The following SRR variants were observed in gnomAD, a reference collection of about 807,000 sequenced individuals.
SRR encodes serine racemase, also known as D-serine ammonia-lyase.
SRR carries 19 observed loss-of-function variants against 32.7 expected under a neutral mutation model. The ratio of observed to expected loss-of-function variants is 0.58; its 90% CI spans 0.40 to 0.85. The LOEUF is 0.85. SRR is among the 40% of genes least tolerant of loss of function. The pLI, the probability that SRR is intolerant of heterozygous loss-of-function variation, is 0.00. For synonymous variants in SRR, 142 were observed against 140.9 expected (o/e 1.01, Z -0.06); for missense variants, 373 against 404.7 (o/e 0.92, Z 0.67).
rs749240144 is a variant in SRR at position 2,318,811 on chromosome 17, G to A, written c.296-15G>A. 2.6e-5 allele frequency: 42 copies of A among 1,600,220 alleles called. No individual in the cohort carries two copies. The highest frequency in any genetic ancestry group is 1.2e-4 in the Admixed American group (7 of 59,782). Reference sequence around the variant, plus strand: ...TAAATTCTCCTGACTTTTTCCTCTCGTTTTCCTCTCCCAGGAATTCCTGCT... The same window carrying A: ...TAAATTCTCCTGACTTTTTCCTCTCATTTTCCTCTCCCAGGAATTCCTGCT... On this transcript the variant is annotated splice_polypyrimidine_tract_variant and intron_variant, in intron 3 of 7. Coordinates refer to ENST00000344595, the MANE Select transcript of SRR (RefSeq NM_021947.3).
In SRR at chr17:2,312,861, A is replaced by G. The variant is rs144176654; in HGVS notation, c.-4-2696A>G. ...TTGCAACAAGGCTATTCATTACATC[A>G]TTCTTACAGCCAACAACAACAAAAG... On this transcript the variant is annotated intron_variant, in intron 1 of 7. Coordinates refer to ENST00000344595, the MANE Select transcript of SRR (RefSeq NM_021947.3). Among the ~76,000 whole-genome samples the G allele has an allele frequency of 8.4e-3, 1,284 of 152,308 alleles. 7 individuals carry two copies. The highest frequency in any genetic ancestry group is 0.014 in the Non-Finnish European group (931 of 68,030).
chr17:2,323,541 G>C (rs1212108910), intron 7 of SRR, 114 bp from the exon 8 acceptor site: 1 of 1,236,046 alleles, frequency 8.1e-7, no homozygotes, highest in Admixed American at 2.0e-5. Context: ...TTTGGGAAGC[G>C]TGTGTACACA....
At position 2,324,115 on chromosome 17, in the gene SRR, A is replaced by G; in HGVS notation, c.*242A>G. On this transcript the variant is annotated 3_prime_UTR_variant, in exon 8 of 8. Transcript: ENST00000344595. ...GGACTGACAGGCTGACATAGAAAATAAACTTTGCCCAATCACAACTTGTGC... is the reference window on the plus strand; with the variant it reads ...GGACTGACAGGCTGACATAGAAAATGAACTTTGCCCAATCACAACTTGTGC... 6.7e-7 allele frequency: 1 copy of G among 1,486,654 alleles called. No homozygotes were observed. The highest frequency in any genetic ancestry group is 9.0e-7 in the Non-Finnish European group (1 of 1,114,452). 92.1% of individuals were successfully genotyped at this position (1,486,654 alleles called of 1,614,324 possible). A position where few individuals can be genotyped will look rare whatever the true frequency, so the allele number is the denominator to read the frequency against.
chr17:2,303,667 G>A, upstream of SRR: 1 of 1,493,388 alleles, frequency 6.7e-7, no homozygotes, highest in South Asian at 1.3e-5. Flanking sequence ...GAGTAGCCAG[G>A]ATCCCGCGCA....
intron 1 of SRR, among the ~76,000 whole-genome samples, chr17:2,314,036 GAC>G (rs1443824045): frequency 6.6e-6 from 1 of 152,190 alleles, no homozygotes; most frequent in Non-Finnish European, 1.5e-5. Flanking sequence ...TGCTACAATA[GAC>G]ACAGTGGAAA....
At chr17:2,303,551 G>A, upstream of SRR, 2 of 1,346,234 alleles carry the variant, frequency 1.5e-6, no homozygotes, top group East Asian at 3.1e-5. Flanking sequence ...GGAGCCGAGG[G>A]CCGAGCGGGG....
chr17:2,303,584 G>A (rs939817889), upstream of SRR: 6 of 1,376,150 alleles, frequency 4.4e-6, no homozygotes, highest in Admixed American at 7.2e-5. Flanking sequence ...AGGAGGAGAG[G>A]GAGGCGGGGC....
upstream of SRR, chr17:2,303,452 C>G (rs2075333564): frequency 1.5e-6 from 2 of 1,304,254 alleles, no homozygotes. Context: ...TGGCCGAGCC[C>G]GACCCCGCAC....
chr17:2,313,140 T>C (rs1481099658), intron 1 of SRR, among the ~76,000 whole-genome samples: 1 of 152,142 alleles, frequency 6.6e-6, no homozygotes, highest in Non-Finnish European at 1.5e-5. Flanking sequence ...ATTTTAAAAG[T>C]TGGATAAAGC....
rs1247353842 is a variant in SRR, at chr17:2,324,949, CTGAGGCTAAGATT to C, written c.*1077_*1089del. The C allele has an allele frequency of 1.4e-5, 16 of 1,171,344 alleles. No homozygotes were observed. The highest frequency in any genetic ancestry group is 1.9e-5 in the Non-Finnish European group (16 of 855,794). 72.6% of individuals were successfully genotyped at this position (1,171,344 alleles called of 1,614,324 possible). A position where few individuals can be genotyped will look rare whatever the true frequency, so the allele number is the denominator to read the frequency against. On this transcript the variant is annotated 3_prime_UTR_variant, in exon 8 of 8. Coordinates refer to ENST00000344595, the MANE Select transcript of SRR (RefSeq NM_021947.3). ...TTTGTCATCCCTGCCCTAGCCCAATCTGAGGCTAAGATTGGTAAACTGTAAGCCCACACTTAAC... is the reference window on the plus strand; with the variant it reads ...TTTGTCATCCCTGCCCTAGCCCAATCGGTAAACTGTAAGCCCACACTTAAC...
At chr17:2,307,280 A>T in intron 1 of SRR, 1 of 1,145,068 alleles carries the variant, frequency 8.7e-7, no homozygotes, top group East Asian at 2.3e-5. Flanking sequence ...AATGGCCACA[A>T]CTGTGAAATT....
chr17:2,320,401 G>A (rs1250182701), intron 4 of SRR, among the ~76,000 whole-genome samples: 5 of 151,050 alleles, frequency 3.3e-5, no homozygotes, highest in East Asian at 1.9e-4. Context: ...GACTACAGGC[G>A]CGTGCCACCA....
Position 2,324,207 on chromosome 17 carries a change from C to T in SRR, c.*334C>T, listed in dbSNP as rs1173117729. 6.6e-7 allele frequency: 1 copy of T among 1,520,552 alleles called. No individual in the cohort carries two copies. Among genetic ancestry groups the T allele is most frequent in the Admixed American group, 2.3e-5 (1 of 43,482 alleles). 94.2% of individuals were successfully genotyped at this position (1,520,552 alleles called of 1,614,324 possible). A position where few individuals can be genotyped will look rare whatever the true frequency, so the allele number is the denominator to read the frequency against. ...TCTCTTTGAATCCATTACTCCATGC[C>T]CCCTTGAGGCACTGTTGAAGAAATC... On this transcript the variant is annotated 3_prime_UTR_variant, in exon 8 of 8. Coordinates refer to ENST00000344595, the MANE Select transcript of SRR (RefSeq NM_021947.3).
chr17:2,324,931 T>C lies in SRR; in HGVS notation c.*1058T>C. 2 of 1,370,302 alleles carry C rather than the reference T, an allele frequency of 1.5e-6. No homozygotes were observed. Among genetic ancestry groups the C allele is most frequent in the Admixed American group, 2.7e-5 (1 of 37,532 alleles). 84.9% of individuals were successfully genotyped at this position (1,370,302 alleles called of 1,614,324 possible). On this transcript the variant is annotated 3_prime_UTR_variant, in exon 8 of 8. Coordinates refer to ENST00000344595, the MANE Select transcript of SRR (RefSeq NM_021947.3). The stretch of plus-strand genomic sequence containing the variant: ...ACCCATGCAAGAGCCTGGTTTGTCA[T>C]CCCTGCCCTAGCCCAATCTGAGGCT...
At position 2,308,545 on chromosome 17, in the gene SRR, C is replaced by A. The variant is rs376445950; in HGVS notation, c.-5+4528C>A. 2.0e-5 allele frequency among the ~76,000 whole-genome samples: 3 copies of A among 152,142 alleles called. No individual in the cohort carries two copies. In the South Asian group the frequency reaches 6.2e-4, roughly 32 times the overall value. ...ATTGTACCACCATTTAAGTCAAAAC[C>A]CAGGAGTTACTCTTTTTAAAGAAAA... On this transcript the variant is annotated intron_variant, in intron 1 of 7. Coordinates refer to ENST00000344595, the MANE Select transcript of SRR (RefSeq NM_021947.3).
chr17:2,321,614 A>G lies in SRR; in HGVS notation c.592A>G (p.Lys198Glu), dbSNP rs769371999. 6.2e-7 allele frequency: 1 copy of G among 1,613,784 alleles called. No homozygotes were observed. Among genetic ancestry groups the G allele is most frequent in the East Asian group, 2.2e-5 (1 of 44,890 alleles). The part of the protein sequence containing the change: ...GMLAGIAITV[K>E]ALKPSVKVYA... ...GCTTGCTGGAATAGCAATTACAGTT[A>G]AGGTGAGCAGCTTCTGGAGGATTCC... The change falls in exon 6 of 8, where the codon AAG (lysine) becomes GAG (glutamate). Residue 198 changes from lysine (K) to glutamate (E), a missense_variant and splice_region_variant. Lys to Glu is a moderately conservative substitution (Grantham distance 56). Transcript: ENST00000344595.
chr17:2,303,680 T>C, upstream of SRR: 1 of 1,495,738 alleles, frequency 6.7e-7, no homozygotes, highest in Non-Finnish European at 8.9e-7. Context: ...CCCGCGCAGC[T>C]CCGACGCGGA....
chr17:2,307,324 G>A, intron 1 of SRR: 6 of 1,051,844 alleles, frequency 5.7e-6, no homozygotes, highest in South Asian at 2.5e-5. Flanking sequence ...GATGGTGAGT[G>A]CTTCATCCAG....
intron 1 of SRR, among the ~76,000 whole-genome samples, chr17:2,313,501 C>T (rs1041565479): frequency 2.7e-5 from 4 of 149,696 alleles, no homozygotes; most frequent in Non-Finnish European, 5.9e-5. Flanking sequence ...TTTGGGAGGC[C>T]GAGGCGGGCG....
Sources: allele counts gnomAD v4.1 joint callset (sites outside exome capture counted in the v4.1 genomes callset), GRCh38; gene constraint gnomAD v4.1.1; transcripts MANE v1.5; gene names NCBI Gene and HGNC (gene_info 2026-07-23, HGNC 2026-07-21).